Variants in FHIT observed in about 807,000 individuals in gnomAD.
FHIT encodes the protein fragile histidine triad diadenosine triphosphatase.
Under a neutral mutation model 17.9 loss-of-function variants are expected in FHIT, and 19 were observed. The ratio of observed to expected loss-of-function variants is 1.06; its 90% CI spans 0.74 to 1.56. The LOEUF (loss-of-function observed/expected upper bound fraction) is 1.56, where lower values mean the gene tolerates loss of function less well. FHIT is among the 40% of genes most tolerant of loss of function. FHIT has a pLI of 0.00. For missense variants in FHIT, 248 were observed against 189.2 expected (o/e 1.31, Z -1.82); for synonymous variants, 81 against 69.7 (o/e 1.16, Z -0.81).
chr3:59,752,418 A>G (rs1361839308), intron 8 of FHIT, 97 bp from the exon 9 acceptor site: 1 of 722,812 alleles, frequency 1.4e-6, no homozygotes, highest in Non-Finnish European at 2.3e-6. Context: ...AAAATTTGCA[A>G]ATTAGAGGCC....
intron 5 of FHIT, among the ~76,000 whole-genome samples, chr3:60,273,488 T>C (rs1460106373): frequency 6.6e-6 from 1 of 151,938 alleles, no homozygotes; most frequent in African/African-American, 2.4e-5. Flanking sequence ...CGGGTGCCTG[T>C]CCTCCCAGCT....
chr3:60,966,750 G>A (rs1190226563), intron 3 of FHIT, among the ~76,000 whole-genome samples: 4 of 152,214 alleles, frequency 2.6e-5, no homozygotes, highest in Non-Finnish European at 5.9e-5. Context: ...TAGCAAGGAT[G>A]ATAATTTAAA....
intron 3 of FHIT, among the ~76,000 whole-genome samples, chr3:60,878,031 C>T (rs1704751876): frequency 6.6e-6 from 1 of 152,084 alleles, no homozygotes; most frequent in African/African-American, 2.4e-5. Flanking sequence ...ACCCTATTGG[C>T]TTAGGCTCCT....
chr3:61,194,179 A>G (rs2038792116), intron 2 of FHIT, among the ~76,000 whole-genome samples: 1 of 152,108 alleles, frequency 6.6e-6, no homozygotes, highest in South Asian at 2.1e-4. Flanking sequence ...GAAGGAAGAG[A>G]GTGACTTTTC....
At chr3:60,707,456 C>A (rs1156621769) in intron 4 of FHIT, among the ~76,000 whole-genome samples, 1 of 152,092 alleles carries the variant, frequency 6.6e-6, no homozygotes, top group Non-Finnish European at 1.5e-5. Flanking sequence ...TTATAAATGA[C>A]TACAACTTTA....
intron 5 of FHIT, among the ~76,000 whole-genome samples, chr3:60,393,114 C>T (rs1475181181): frequency 6.6e-6 from 1 of 151,934 alleles, no homozygotes; most frequent in East Asian, 1.9e-4. Context: ...TTTTTCATTT[C>T]CTAATTTTAA....
intron 3 of FHIT, among the ~76,000 whole-genome samples, chr3:60,962,893 A>G (rs1308293120): frequency 1.3e-5 from 2 of 152,026 alleles, no homozygotes; most frequent in Non-Finnish European, 2.9e-5. Context: ...AAATTCTCTT[A>G]TTTGGTTGTC....
At chr3:61,127,615 A>G (rs1231813519) in intron 2 of FHIT, among the ~76,000 whole-genome samples, 1 of 152,206 alleles carries the variant, frequency 6.6e-6, no homozygotes, top group East Asian at 1.9e-4. Flanking sequence ...CTGTAATCCC[A>G]GCACTTTGGG....
At chr3:60,918,408 G>C (rs1260352337) in intron 3 of FHIT, among the ~76,000 whole-genome samples, 4 of 152,158 alleles carry the variant, frequency 2.6e-5, no homozygotes, top group African/African-American at 4.8e-5. Flanking sequence ...GTGTCTATCT[G>C]TTATATAGTT....
chr3:60,063,972 T>C (rs1224671396), intron 5 of FHIT, among the ~76,000 whole-genome samples: 3 of 152,220 alleles, frequency 2.0e-5, no homozygotes, highest in Non-Finnish European at 2.9e-5. Context: ...AGAATGTATA[T>C]AATATGCCAT....
At chr3:60,467,700 T>A (rs1386112370) in intron 5 of FHIT, among the ~76,000 whole-genome samples, 2 of 152,124 alleles carry the variant, frequency 1.3e-5, no homozygotes, top group African/African-American at 2.4e-5. Flanking sequence ...ACATAATTTT[T>A]AAAAAAATGT....
chr3:60,295,697 T>C (rs1349251217), intron 5 of FHIT, among the ~76,000 whole-genome samples: 3 of 152,140 alleles, frequency 2.0e-5, no homozygotes, highest in Admixed American at 1.3e-4. Flanking sequence ...AAGGCAGTTA[T>C]ATGTTTAGTT....
intron 5 of FHIT, among the ~76,000 whole-genome samples, chr3:60,435,350 G>A (rs1290373787): frequency 6.6e-6 from 1 of 152,102 alleles, no homozygotes; most frequent in Non-Finnish European, 1.5e-5. Flanking sequence ...ATTCAGATAT[G>A]ATGGCAAGGC....
At chr3:60,929,747 T>C (rs1280700738) in intron 3 of FHIT, among the ~76,000 whole-genome samples, 1 of 152,190 alleles carries the variant, frequency 6.6e-6, no homozygotes, top group African/African-American at 2.4e-5. Context: ...TCCATGCTCA[T>C]GGGTAGGAAG....
At chr3:59,786,971 G>A (rs938482228) in intron 8 of FHIT, among the ~76,000 whole-genome samples, 6 of 152,098 alleles carry the variant, frequency 3.9e-5, no homozygotes, top group Non-Finnish European at 8.8e-5. Context: ...CTGCATAACT[G>A]AATGGGATTC....
intron 5 of FHIT, among the ~76,000 whole-genome samples, chr3:60,529,583 G>T (rs541662970): frequency 6.6e-6 from 1 of 152,044 alleles, no homozygotes; most frequent in East Asian, 1.9e-4. Context: ...TAGCAAGTGC[G>T]ATGCCTGCAA....
chr3:60,834,894 A>C (rs1207163872), intron 3 of FHIT, among the ~76,000 whole-genome samples: 1 of 151,970 alleles, frequency 6.6e-6, no homozygotes, highest in African/African-American at 2.4e-5. Flanking sequence ...AAAAAAAAAA[A>C]AAAACTCTTT....
chr3:60,012,033 G>C (rs1700157909), intron 6 of FHIT, among the ~76,000 whole-genome samples: 1 of 152,000 alleles, frequency 6.6e-6, no homozygotes, highest in African/African-American at 2.4e-5. Flanking sequence ...CAAAGCAATG[G>C]CTCCACAATC....
intron 8 of FHIT, among the ~76,000 whole-genome samples, chr3:59,798,221 A>C (rs911958029): frequency 6.6e-6 from 1 of 152,196 alleles, no homozygotes; most frequent in African/African-American, 2.4e-5. Context: ...CTAAAGCAGA[A>C]GGGGTTGCAC....
Sources: gnomAD v4.1 joint callset for allele counts (sites outside exome capture counted in the v4.1 genomes callset) on GRCh38, gnomAD v4.1.1 for gene constraint, MANE v1.5 for transcripts, NCBI Gene and HGNC (gene_info 2026-07-23, HGNC 2026-07-21) for gene names.